The following KDM1B variants were observed in gnomAD, a reference collection of about 807,000 sequenced individuals.
The protein encoded by KDM1B is lysine-specific histone demethylase 2.
KDM1B carries 63 observed loss-of-function variants against 107.4 expected under a neutral mutation model. The ratio of observed to expected loss-of-function variants is 0.59; its 90% confidence interval spans 0.48 to 0.72. The LOEUF is 0.72. Ranked by LOEUF, KDM1B falls within the 30% of genes least tolerant of loss-of-function variation. The pLI is 0.00. For synonymous variants in KDM1B, 363 were observed against 363.9 expected, an observed-to-expected ratio of 1.00 and a Z score of 0.03; for missense variants, 749 against 1,020.8, an observed-to-expected ratio of 0.73 and a Z score of 3.63.
chr6:18,208,785 C>CAGG (rs1788604658), intron 17 of KDM1B, among the ~76,000 whole-genome samples: 1 of 147,382 alleles, frequency 6.8e-6, no homozygotes, highest in South Asian at 2.1e-4. Flanking sequence ...GCTGGGACTA[C>CAGG]AGGCACCCGC....
intron 17 of KDM1B, among the ~76,000 whole-genome samples, chr6:18,210,045 G>A (rs1259644652): frequency 6.6e-6 from 1 of 152,124 alleles, no homozygotes; most frequent in Non-Finnish European, 1.5e-5. Flanking sequence ...GCGTTTCTGT[G>A]TTTGTATTCC....
In KDM1B at chr6:18,204,031, G is replaced by T. The variant is rs1788215362; in HGVS notation, c.1532-1506G>T. On this transcript the variant is annotated intron_variant, in intron 14 of 21. Coordinates refer to ENST00000650836, the MANE Select transcript of KDM1B (RefSeq NM_001364614.2). The surrounding 1 kb of genome is among the most constrained non-coding windows in gnomAD (Gnocchi z 4.9). ...ACAGAAAGTGGCACAAAGCCCAGGG[G>T]TCTAGGAGCAACAAAGACAGGCACA... Among the ~76,000 whole-genome samples, 1 of 152,114 alleles carries T rather than the reference G, an allele frequency of 6.6e-6. No homozygotes were observed. Among genetic ancestry groups the T allele is most frequent in the South Asian group, 2.1e-4 (1 of 4,828 alleles).
intron 7 of KDM1B, among the ~76,000 whole-genome samples, chr6:18,183,191 C>G (rs1786595407): frequency 6.6e-6 from 1 of 151,154 alleles, no homozygotes; most frequent in African/African-American, 2.4e-5. Context: ...CTCCAGTGTG[C>G]TCCTCAGTAG....
intron 10 of KDM1B, among the ~76,000 whole-genome samples, chr6:18,192,853 C>T (rs2150941507): frequency 6.6e-6 from 1 of 151,314 alleles, no homozygotes; most frequent in South Asian, 2.1e-4. Flanking sequence ...TTATAGAAGT[C>T]CTAAGCTTAC....
intron 20 of KDM1B, among the ~76,000 whole-genome samples, chr6:18,217,448 G>A (rs1459939959): frequency 2.7e-5 from 4 of 149,450 alleles, no homozygotes; most frequent in African/African-American, 4.9e-5. Context: ...GCGCGATCTC[G>A]GCTCACTGCA....
In KDM1B at chr6:18,187,911, C is replaced by T. The variant is rs1786983424; in HGVS notation, c.693C>T (p.Ser231=). The T allele has an allele frequency of 7.1e-6, 11 of 1,550,236 alleles. No individual in the cohort carries two copies. In the Admixed American group the frequency reaches 1.2e-4, roughly 17 times the overall value. The stretch of plus-strand genomic sequence containing the variant: ...ACTACCCTGACTGTGTTGGCATGAG[C>T]CCCTCCTGCACCAGCACAAACCGCG... ...SAYYPDCVGM[S]PSCTSTNRAA... The change falls in exon 9 of 22, where the codon AGC becomes AGT. Residue 231 remains serine (S), a synonymous_variant. Coordinates refer to ENST00000650836, the MANE Select transcript of KDM1B (RefSeq NM_001364614.2).
Position 18,223,445 on chromosome 6 carries a change from C to CT in KDM1B, c.*1454dup, listed in dbSNP as rs765456306. On this transcript the variant is annotated 3_prime_UTR_variant, in exon 22 of 22. Coordinates refer to ENST00000650836, the MANE Select transcript of KDM1B (RefSeq NM_001364614.2). ...CTGATATTTAGGTTATTTGTTGAGA[C>CT]TCATTGGTACTGACTGGCAAGTATT... is the stretch of plus-strand genomic sequence containing the variant. 6.7e-6 allele frequency: 1 copy of CT among 149,012 alleles called. No homozygotes were observed. The highest frequency in any genetic ancestry group is 1.5e-5 in the Non-Finnish European group (1 of 67,656). The allele number at this position is 149,012 out of a possible 1,614,324, so 9.2% of individuals were successfully genotyped here.
chr6:18,168,812 C>T (rs959641534), intron 6 of KDM1B, among the ~76,000 whole-genome samples: 8 of 152,124 alleles, frequency 5.3e-5, no homozygotes, highest in Non-Finnish European at 1.2e-4. Flanking sequence ...CTTTCGTATG[C>T]TTGTTGTCCA....
At position 18,214,462 on chromosome 6, in the gene KDM1B, C is replaced by T. The variant is rs1030178963; in HGVS notation, c.2110-545C>T. ...TTTAATTAGTGAACAGCCAAGGGAACCTTAAAGTTGCTATTTACATTTCTT... is the reference window on the plus strand; with the variant it reads ...TTTAATTAGTGAACAGCCAAGGGAATCTTAAAGTTGCTATTTACATTTCTT... On this transcript the variant is annotated intron_variant, in intron 19 of 21. Coordinates refer to ENST00000650836, the MANE Select transcript of KDM1B (RefSeq NM_001364614.2). This position sits in a 1 kb window ranked among gnomAD's most constrained non-coding sequence, Gnocchi z 4.4. Among the ~76,000 whole-genome samples, 6 of 152,152 alleles carry T rather than the reference C, an allele frequency of 3.9e-5. No individual in the cohort carries two copies. Among genetic ancestry groups the T allele is most frequent in the Admixed American group, 3.3e-4 (5 of 15,284 alleles).
At chr6:18,188,072 C>G (rs1364357472) in intron 9 of KDM1B, 70 bp downstream of exon 9, 2 of 1,339,316 alleles carry the variant, frequency 1.5e-6, no homozygotes, top group African/African-American at 2.9e-5. Flanking sequence ...TGTGAGTGAG[C>G]AAAACGCAAA....
In KDM1B at chr6:18,172,718, A is replaced by G. The variant is rs1483966531; in HGVS notation, c.534+1239A>G. On this transcript the variant is annotated intron_variant, in intron 7 of 21. Coordinates refer to ENST00000650836, the MANE Select transcript of KDM1B (RefSeq NM_001364614.2). The surrounding 1 kb of genome is among the most constrained non-coding windows in gnomAD (Gnocchi z 5.2). ...CTGGGATTCAAAATATAAACATAAT[A>G]TTCTATTTCATTATATTTATAATAA... Among the ~76,000 whole-genome samples, 2 of 152,202 alleles carry G rather than the reference A, an allele frequency of 1.3e-5. No individual in the cohort carries two copies. The highest frequency in any genetic ancestry group is 1.9e-4 in the East Asian group (1 of 5,188).
rs757456976 is a variant in KDM1B, at chr6:18,215,066, C to A, written c.2169C>A (p.Thr723=). The change falls in exon 20 of 22, where the codon ACC becomes ACA. Residue 723 remains threonine (T), a synonymous_variant. Transcript: ENST00000650836. ...GGGAGGCTGTCGCATCCGTGAGGAC[C>A]CTGGATGACAAACAGGTGCTGCAGC... is the stretch of plus-strand genomic sequence containing the variant. The part of the protein sequence containing the change: ...IAGEAVASVR[T]LDDKQVLQQC... The A allele has an allele frequency of 6.2e-7, 1 of 1,614,036 alleles. No individual in the cohort carries two copies. Among genetic ancestry groups the A allele is most frequent in the Non-Finnish European group, 8.5e-7 (1 of 1,179,998 alleles).
intron 21 of KDM1B, among the ~76,000 whole-genome samples, chr6:18,220,287 C>T (rs1404470697): frequency 6.6e-6 from 1 of 152,240 alleles, no homozygotes; most frequent in Non-Finnish European, 1.5e-5. Flanking sequence ...GGTGCGATGG[C>T]TCACGCCTGT....
At chr6:18,216,300 T>TG (rs1326865210) in intron 20 of KDM1B, among the ~76,000 whole-genome samples, 1 of 152,166 alleles carries the variant, frequency 6.6e-6, no homozygotes, top group African/African-American at 2.4e-5. Flanking sequence ...TGGCTGGTCT[T>TG]GAACTCCTGA....
chr6:18,169,118 C>T (rs372084366), intron 6 of KDM1B, among the ~76,000 whole-genome samples: 15 of 151,190 alleles, frequency 9.9e-5, no homozygotes, highest in East Asian at 5.9e-4. Flanking sequence ...GTGATCTGCT[C>T]GCCTCGGCGT....
chr6:18,172,545 G>A lies in KDM1B; in HGVS notation c.534+1066G>A, dbSNP rs1785726510. On this transcript the variant is annotated intron_variant, in intron 7 of 21. Coordinates refer to ENST00000650836, the MANE Select transcript of KDM1B (RefSeq NM_001364614.2). This position sits in a 1 kb window ranked among gnomAD's most constrained non-coding sequence, Gnocchi z 5.2. ...TTCACTGGAGCATTTTAGATTTTCAGATTAGGGATGCCCAACCAGTAAGTA... is the reference window on the plus strand; with the variant it reads ...TTCACTGGAGCATTTTAGATTTTCAAATTAGGGATGCCCAACCAGTAAGTA... Among the ~76,000 whole-genome samples the A allele has an allele frequency of 6.6e-6, 1 of 152,118 alleles. No homozygotes were observed.
chr6:18,189,104 A>G (rs989005369), intron 9 of KDM1B, among the ~76,000 whole-genome samples: 2 of 152,148 alleles, frequency 1.3e-5, no homozygotes, highest in African/African-American at 2.4e-5. Flanking sequence ...CTTTAAAGGC[A>G]TCTTTAAAAA....
At position 18,212,591 on chromosome 6, in the gene KDM1B, G is replaced by A. The variant is rs751189573; in HGVS notation, c.1970G>A (p.Gly657Asp). Residue 657 changes from glycine (G) to aspartate (D), a missense_variant, in exon 18 of 22, where the codon GGC becomes GAC. Transcript: ENST00000650836. The surrounding 1 kb of genome is among the most constrained non-coding windows in gnomAD (Gnocchi z 5.2). Reference sequence around the variant, plus strand: ...AAGGCTATCAACAGCTTAGGCGCAGGCATCATTGAAAAGGTGACTGAAATG... The same window carrying A: ...AAGGCTATCAACAGCTTAGGCGCAGACATCATTGAAAAGGTGACTGAAATG... Reference protein sequence around the residue: ...KMKAINSLGAGIIEKIALQFP... With the variant: ...KMKAINSLGADIIEKIALQFP... 2 of 1,611,368 alleles carry A rather than the reference G, an allele frequency of 1.2e-6. No individual in the cohort carries two copies. Among genetic ancestry groups the A allele is most frequent in the Non-Finnish European group, 1.7e-6 (2 of 1,177,422 alleles).
Position 18,200,745 on chromosome 6 carries a change from G to C in KDM1B, c.1359+169G>C, listed in dbSNP as rs1373457572. Among the ~76,000 whole-genome samples, 2 of 152,182 alleles carry C rather than the reference G, an allele frequency of 1.3e-5. No homozygotes were observed. The highest frequency in any genetic ancestry group is 6.5e-5 in the Admixed American group (1 of 15,284). On this transcript the variant is annotated intron_variant, in intron 13 of 21. Coordinates refer to ENST00000650836, the MANE Select transcript of KDM1B (RefSeq NM_001364614.2). The surrounding 1 kb of genome is among the most constrained non-coding windows in gnomAD (Gnocchi z 4.3). ...CTGCCTTTCTGAGAAGGTAGAACTA[G>C]AGGATGTAAAATACTTTTTTTCCTT...
Sources: gnomAD v4.1 joint callset for allele counts (sites outside exome capture counted in the v4.1 genomes callset) on GRCh38, gnomAD v4.1.1 for gene constraint, Gnocchi (gnomAD v3.1) non-coding constraint, MANE v1.5 for transcripts, NCBI Gene and HGNC (gene_info 2026-07-23, HGNC 2026-07-21) for gene names.